The following FBXO34 variants were observed in gnomAD, a reference collection of about 807,000 sequenced individuals.
The protein encoded by FBXO34 is F-box protein 34.
Under a neutral mutation model 24.5 loss-of-function variants are expected in FBXO34, and 12 were observed. That is an observed-to-expected ratio of 0.49 (90% CI 0.31 to 0.79). The LOEUF (loss-of-function observed/expected upper bound fraction) is 0.79. Among genes scored for constraint, FBXO34 ranks in the 30% least tolerant of loss-of-function variants. The pLI is 0.04. For missense variants in FBXO34, 823 were observed against 857.7 expected, an observed-to-expected ratio of 0.96 and a Z score of 0.51; for synonymous variants, 320 against 311.9, an observed-to-expected ratio of 1.03 and a Z score of -0.27.
chr14:55,433,500 A>C, the FBXO34 span: 2 of 849,482 alleles, frequency 2.4e-6, no homozygotes, highest in Non-Finnish European at 3.8e-6. Context: ...GTGGCATTTC[A>C]TTGAATAAAG....
the FBXO34 span, among the ~76,000 whole-genome samples, chr14:55,386,486 C>T: frequency 6.6e-6 from 1 of 152,190 alleles, no homozygotes; most frequent in Non-Finnish European, 1.5e-5. Flanking sequence ...TCCCTAGAAA[C>T]TTCTTAGGTG....
At chr14:55,424,583 A>G in the FBXO34 span, among the ~76,000 whole-genome samples, 2 of 152,236 alleles carry the variant, frequency 1.3e-5, no homozygotes, top group African/African-American at 4.8e-5. Flanking sequence ...AAGTCTGTTA[A>G]TAAGAATACA....
intron 1 of FBXO34, among the ~76,000 whole-genome samples, chr14:55,325,602 A>C (rs1029192273): frequency 1.3e-5 from 2 of 151,946 alleles, no homozygotes; most frequent in Non-Finnish European, 2.9e-5. Context: ...CAGCCTCCTG[A>C]GTAACTGGGA....
chr14:55,313,582 G>C (rs1412238340), intron 1 of FBXO34, among the ~76,000 whole-genome samples: 2 of 152,216 alleles, frequency 1.3e-5, no homozygotes, highest in Admixed American at 6.5e-5. Context: ...ATAAAGGAAA[G>C]AGGTTTAATT....
Position 55,350,362 on chromosome 14 carries a change from G to A in FBXO34, c.-10-19G>A. The A allele has an allele frequency of 6.8e-7, 1 of 1,477,622 alleles. No individual in the cohort carries two copies. Among genetic ancestry groups the A allele is most frequent in the African/African-American group, 1.4e-5 (1 of 70,962 alleles). 91.5% of individuals were successfully genotyped at this position (1,477,622 alleles called of 1,614,324 possible). A position where few individuals can be genotyped will look rare whatever the true frequency, so the allele number is the denominator to read the frequency against. ...AACAAAATTGGTTTCTGAATCAAATGTGTATTTCTTTCCTATAGGGGCTTT... is the reference window on the plus strand; with the variant it reads ...AACAAAATTGGTTTCTGAATCAAATATGTATTTCTTTCCTATAGGGGCTTT... On this transcript the variant is annotated intron_variant, in intron 1 of 1. Transcript: ENST00000313833.
intron 1 of FBXO34, among the ~76,000 whole-genome samples, chr14:55,272,799 C>T (rs1566535172): frequency 6.6e-6 from 1 of 152,158 alleles, no homozygotes. Context: ...TGCTTTCTTA[C>T]TGAGACCCGG....
At chr14:55,422,975 T>TA in the FBXO34 span, among the ~76,000 whole-genome samples, 1 of 151,744 alleles carries the variant, frequency 6.6e-6, no homozygotes, top group Non-Finnish European at 1.5e-5. Flanking sequence ...AAAAATTATT[T>TA]AAAAAAAAGC....
At chr14:55,380,671 A>G in the FBXO34 span, 1 of 1,607,684 alleles carries the variant, frequency 6.2e-7, no homozygotes, top group Non-Finnish European at 8.5e-7. Flanking sequence ...TGGTGTAGGC[A>G]GGGTTACTCT....
Position 55,351,145 on chromosome 14 carries a change from A to T in FBXO34, c.755A>T (p.Tyr252Phe), listed in dbSNP as rs201645276. 2 of 1,614,200 alleles carry T rather than the reference A, an allele frequency of 1.2e-6. No individual in the cohort carries two copies. The highest frequency in any genetic ancestry group is 1.1e-5 in the South Asian group (1 of 91,080). ...SRGVPAVSES[Y>F]SAPGACEEPT... ...GGTGTGCCTGCAGTGTCTGAGTCCT[A>T]TTCTGCCCCAGGAGCTTGTGAAGAA... The change falls in exon 2 of 2, where the codon TAT becomes TTT. Residue 252 changes from tyrosine (Y) to phenylalanine (F), a missense_variant. Coordinates refer to ENST00000313833, the MANE Select transcript of FBXO34 (RefSeq NM_017943.4).
At chr14:55,393,257 C>T in the FBXO34 span, among the ~76,000 whole-genome samples, 21 of 151,982 alleles carry the variant, frequency 1.4e-4, no homozygotes, top group East Asian at 3.5e-3. Flanking sequence ...TGGTGGTGGG[C>T]GCCTGTAGTC....
At chr14:55,323,606 C>T (rs559016857) in intron 1 of FBXO34, among the ~76,000 whole-genome samples, 5 of 152,192 alleles carry the variant, frequency 3.3e-5, no homozygotes, top group African/African-American at 7.2e-5. Flanking sequence ...TGGTCTCAAT[C>T]TCCTGACGTC....
At chr14:55,433,595 T>G in the FBXO34 span, 1 of 1,576,822 alleles carries the variant, frequency 6.3e-7, no homozygotes, top group Non-Finnish European at 8.7e-7. Flanking sequence ...ACTAAATTGT[T>G]TCTCTGGTAG....
At chr14:55,405,852 T>A in the FBXO34 span, among the ~76,000 whole-genome samples, 5 of 144,044 alleles carry the variant, frequency 3.5e-5, no homozygotes, top group Middle Eastern at 3.6e-3. Context: ...GCCTTCAGTT[T>A]ACACTGAAGC....
intron 1 of FBXO34, among the ~76,000 whole-genome samples, chr14:55,280,032 G>A (rs1881479020): frequency 6.6e-6 from 1 of 152,202 alleles, no homozygotes; most frequent in African/African-American, 2.4e-5. Flanking sequence ...CAGTGTGGTA[G>A]TGTGTGGATT....
At chr14:55,380,428 G>A in the FBXO34 span, 1 of 588,006 alleles carries the variant, frequency 1.7e-6, no homozygotes, top group Non-Finnish European at 3.0e-6. Context: ...TAAGGCTTTT[G>A]AAATTAATCT....
the FBXO34 span, among the ~76,000 whole-genome samples, chr14:55,418,584 C>T: frequency 2.6e-5 from 4 of 152,038 alleles, no homozygotes; most frequent in Non-Finnish European, 4.4e-5. Flanking sequence ...TGTCTCTGGC[C>T]CACTCACTAA....
In FBXO34 at chr14:55,352,714, T is replaced by C. The variant is rs887239445; in HGVS notation, c.*188T>C. 2.6e-5 allele frequency: 15 copies of C among 566,518 alleles called. No individual in the cohort carries two copies. The Admixed American group carries it at 4.4e-4, about 17-fold the overall frequency. 35.1% of individuals were successfully genotyped at this position (566,518 alleles called of 1,614,324 possible). ...GTACAAAAAAATTGGTCTTGTTGTT[T>C]ATAGTGGCATCTCATGTTTGAACCC... On this transcript the variant is annotated 3_prime_UTR_variant, in exon 2 of 2. Coordinates refer to ENST00000313833, the MANE Select transcript of FBXO34 (RefSeq NM_017943.4).
downstream of FBXO34, chr14:55,369,991 C>A (rs1755322289): frequency 6.7e-7 from 1 of 1,489,610 alleles, no homozygotes; most frequent in Admixed American, 2.1e-5. Flanking sequence ...AATATGCCAT[C>A]TTCCTGAAGG....
chr14:55,316,722 C>A (rs1186305521), intron 1 of FBXO34, among the ~76,000 whole-genome samples: 1 of 127,372 alleles, frequency 7.9e-6, no homozygotes, highest in Non-Finnish European at 1.7e-5. Context: ...GCAGGAACAT[C>A]TCAAAAAAAA....
Sources: gnomAD v4.1 joint callset for allele counts (sites outside exome capture counted in the v4.1 genomes callset) on GRCh38, gnomAD v4.1.1 for gene constraint, MANE v1.5 for transcripts, NCBI Gene and HGNC (gene_info 2026-07-23, HGNC 2026-07-21) for gene names.